The following GMPS variants were observed in gnomAD, a reference collection of about 807,000 sequenced individuals.
GMPS encodes the protein GMP synthase [glutamine-hydrolyzing].
In GMPS, 15 loss-of-function variants were observed where a neutral mutation model predicts 77.9. The ratio of observed to expected loss-of-function variants is 0.19; its 90% CI spans 0.13 to 0.30. GMPS has a LOEUF of 0.30. Ranked by LOEUF, GMPS falls within the 10% of genes least tolerant of loss-of-function variation. The probability of loss-of-function intolerance (pLI) is 1.00; values close to 1 mark genes in which losing one functional copy is unlikely to be tolerated. For synonymous variants in GMPS, 224 were observed against 275.9 expected (o/e 0.81, Z 1.86); for missense variants, 590 against 838.8 (o/e 0.70, Z 3.66).
chr3:155,901,799 A>G (rs970916554), intron 3 of GMPS, among the ~76,000 whole-genome samples: 1 of 151,954 alleles, frequency 6.6e-6, no homozygotes, highest in African/African-American at 2.4e-5. Context: ...TTTTTATATT[A>G]AATTGTCTTT....
Position 155,910,857 on chromosome 3 carries a change from A to G in GMPS, c.692A>G (p.Lys231Arg), listed in dbSNP as rs1464194620. ...GAACTTGAGTGTATTCGAGAGATCA[A>G]AGAGAGAGTAGGCACGTCAAAAGTT... Reference protein sequence around the residue: ...NRELECIREIKERVGTSKVLV... With the variant: ...NRELECIREIRERVGTSKVLV... The change falls in exon 6 of 16, where the codon AAA becomes AGA. Residue 231 changes from lysine (K) to arginine (R), a missense_variant. By Grantham distance (26) the Lys-to-Arg change is conservative. Coordinates refer to ENST00000496455, the MANE Select transcript of GMPS (RefSeq NM_003875.3). 9 of 1,596,102 alleles carry G rather than the reference A, an allele frequency of 5.6e-6. No homozygotes were observed. Among genetic ancestry groups the G allele is most frequent in the Non-Finnish European group, 7.7e-6 (9 of 1,174,510 alleles).
At chr3:155,933,978 A>G (rs1280729705) in intron 13 of GMPS, among the ~76,000 whole-genome samples, 3 of 152,228 alleles carry the variant, frequency 2.0e-5, no homozygotes, top group Non-Finnish European at 4.4e-5. Context: ...TAAAACACTA[A>G]TGAATCATTT....
rs1480908085 is a variant in GMPS at position 155,943,100 on chromosome 3, G to A, written c.*5408G>A. On this transcript the variant is annotated 3_prime_UTR_variant, in exon 16 of 16. Transcript: ENST00000496455. ...GTAAAAATTAGCTGGGCTTGGTGGC[G>A]CGCGCCTGTAATCCCAGCTACTCGG... is the stretch of plus-strand genomic sequence containing the variant. 4.6e-5 allele frequency: 8 copies of A among 175,790 alleles called. No homozygotes were observed. Among genetic ancestry groups the A allele is most frequent in the Non-Finnish European group, 6.1e-5 (5 of 81,632 alleles). 10.9% of individuals were successfully genotyped at this position (175,790 alleles called of 1,614,324 possible).
intron 2 of GMPS, among the ~76,000 whole-genome samples, chr3:155,894,664 A>G (rs1318629621): frequency 6.6e-6 from 1 of 152,144 alleles, no homozygotes; most frequent in Non-Finnish European, 1.5e-5. Flanking sequence ...TTCTCCCAAA[A>G]TTTAAAATTT....
intron 2 of GMPS, 52 bp from the exon 3 acceptor site, chr3:155,897,875 C>A (rs975884800): frequency 4.4e-6 from 4 of 904,672 alleles, no homozygotes; most frequent in South Asian, 4.0e-5. Context: ...AGGGCATAGA[C>A]CTTGTATAAA....
intron 3 of GMPS, among the ~76,000 whole-genome samples, chr3:155,899,832 G>A (rs1030903204): frequency 6.6e-6 from 1 of 152,126 alleles, no homozygotes; most frequent in Non-Finnish European, 1.5e-5. Context: ...TGTCATGTAG[G>A]TGGAATCATA....
intron 13 of GMPS, among the ~76,000 whole-genome samples, chr3:155,932,204 G>T (rs1180643672): frequency 2.0e-5 from 3 of 151,630 alleles, no homozygotes; most frequent in Non-Finnish European, 4.4e-5. Flanking sequence ...TTAGCTGTTG[G>T]TTTTATGGTA....
At chr3:155,904,273 A>G (rs1035578077) in intron 4 of GMPS, among the ~76,000 whole-genome samples, 17 of 151,878 alleles carry the variant, frequency 1.1e-4, no homozygotes, top group African/African-American at 4.1e-4. Context: ...TCTGTTTTTA[A>G]AGATTATTAT....
intron 1 of GMPS, among the ~76,000 whole-genome samples, chr3:155,879,708 G>T (rs1304689520): frequency 1.4e-5 from 2 of 145,936 alleles, no homozygotes; most frequent in Non-Finnish European, 3.0e-5. Flanking sequence ...TTGGAGAAAT[G>T]TCTGTTCAGG....
chr3:155,908,485 G>C (rs552788319), intron 5 of GMPS, among the ~76,000 whole-genome samples: 4 of 152,322 alleles, frequency 2.6e-5, no homozygotes, highest in South Asian at 2.1e-4. Flanking sequence ...AAAAGAACCC[G>C]GTTTTTTCTA....
chr3:155,881,841 A>T (rs1249634879), intron 1 of GMPS, among the ~76,000 whole-genome samples: 2 of 152,132 alleles, frequency 1.3e-5, no homozygotes, highest in Non-Finnish European at 2.9e-5. Context: ...TGAGGTGGGT[A>T]TATCACTTGA....
chr3:155,929,059 G>T (rs1471875620), intron 12 of GMPS, among the ~76,000 whole-genome samples: 2 of 151,530 alleles, frequency 1.3e-5, no homozygotes, highest in Non-Finnish European at 2.9e-5. Context: ...CCCAGTAATG[G>T]GATGGCTGGG....
At chr3:155,903,208 A>T (rs1055333883) in intron 3 of GMPS, among the ~76,000 whole-genome samples, 8 of 152,220 alleles carry the variant, frequency 5.3e-5, no homozygotes, top group Admixed American at 3.9e-4. Flanking sequence ...CTGTATATTT[A>T]TCTGATATGG....
intron 4 of GMPS, 135 bp downstream of exon 4, chr3:155,904,095 C>A: frequency 2.0e-6 from 1 of 493,268 alleles, no homozygotes; most frequent in Non-Finnish European, 3.7e-6. Flanking sequence ...GTGTAATTGT[C>A]ATATTTGCCT....
chr3:155,910,948 A>G (rs1027257467), intron 6 of GMPS, 63 bp downstream of exon 6: 22 of 1,212,372 alleles, frequency 1.8e-5, no homozygotes, highest in Middle Eastern at 2.1e-4. Context: ...TCCAGGAGTT[A>G]GAGTCCTCAA....
intron 2 of GMPS, among the ~76,000 whole-genome samples, chr3:155,896,761 G>A (rs1002823396): frequency 2.3e-5 from 2 of 86,144 alleles, no homozygotes; most frequent in Admixed American, 2.6e-4. Flanking sequence ...TTATAAATTT[G>A]ACTTATGTTG....
At chr3:155,924,983 T>C (rs1324416597) in intron 11 of GMPS, among the ~76,000 whole-genome samples, 1 of 152,208 alleles carries the variant, frequency 6.6e-6, no homozygotes, top group Non-Finnish European at 1.5e-5. Flanking sequence ...TCAGATAAGG[T>C]GCATCACTTG....
chr3:155,917,481 G>A (rs996229423), intron 9 of GMPS, among the ~76,000 whole-genome samples: 10 of 152,092 alleles, frequency 6.6e-5, no homozygotes, highest in Admixed American at 5.9e-4. Context: ...TCATATAGGT[G>A]GAATCATACA....
At chr3:155,879,775 G>A (rs1267450898) in intron 1 of GMPS, among the ~76,000 whole-genome samples, 3 of 126,654 alleles carry the variant, frequency 2.4e-5, no homozygotes, top group Non-Finnish European at 4.8e-5. Flanking sequence ...CTGTTCCCCG[G>A]GCTGGAGTGC....
Sources: gnomAD v4.1 joint callset for allele counts (sites outside exome capture counted in the v4.1 genomes callset) on GRCh38, gnomAD v4.1.1 for gene constraint, MANE v1.5 for transcripts, NCBI Gene and HGNC (gene_info 2026-07-23, HGNC 2026-07-21) for gene names.